The following LGALS1 variants were observed in gnomAD, a reference collection of about 807,000 sequenced individuals.
LGALS1 encodes the protein galectin 1, also known as galectin-1.
LGALS1 carries 14 observed loss-of-function variants against 14.4 expected under a neutral mutation model. The ratio of observed to expected loss-of-function variants is 0.97; its 90% CI spans 0.64 to 1.52. The LOEUF (loss-of-function observed/expected upper bound fraction) is 1.52, where lower values mean the gene tolerates loss of function less well. Among genes scored for constraint, LGALS1 ranks in the 40% most tolerant of loss-of-function variants. The probability of loss-of-function intolerance (pLI) is 0.00; values close to 1 mark genes in which losing one functional copy is unlikely to be tolerated. For missense variants in LGALS1, 170 were observed against 181.4 expected (o/e 0.94, Z 0.36); for synonymous variants, 71 against 73.4 (o/e 0.97, Z 0.17).
chr22:37,675,732 C>CT, intron 1 of LGALS1, 21 bp downstream of exon 1: 1 of 1,538,688 alleles, frequency 6.5e-7, no homozygotes, highest in Non-Finnish European at 8.8e-7. Flanking sequence ...GGACCCCCCC[C>CT]CAAGGTCCAG....
intron 3 of LGALS1, among the ~76,000 whole-genome samples, chr22:37,679,260 C>T (rs1472451702): frequency 1.3e-5 from 2 of 151,032 alleles, no homozygotes; most frequent in East Asian, 2.0e-4. Flanking sequence ...GGTGAAACCC[C>T]GTCTCTATAT....
Position 37,678,571 on chromosome 22 carries a change from G to C in LGALS1, c.178G>C (p.Val60Leu). Residue 60 changes from valine to leucine, a missense_variant, in exon 3 of 4, where the codon GTG becomes CTG. Coordinates refer to ENST00000215909, the MANE Select transcript of LGALS1 (RefSeq NM_002305.4). ...FNAHGDANTI[V>L]CNSKDGGAWG... ...CGCCCACGGCGACGCCAACACCATC[G>C]TGTGCAACAGCAAGGACGGCGGGGC... 1.2e-6 allele frequency: 2 copies of C among 1,613,608 alleles called. No individual in the cohort carries two copies. Among genetic ancestry groups the C allele is most frequent in the South Asian group, 1.1e-5 (1 of 91,090 alleles).
At chr22:37,675,804 C>T in intron 1 of LGALS1, 93 bp downstream of exon 1, 1 of 1,202,074 alleles carries the variant, frequency 8.3e-7, no homozygotes, top group Non-Finnish European at 1.1e-6. Context: ...GATTCTAGCC[C>T]CAGCTGTGTG....
At chr22:37,677,643 A>G (rs1921481636) in intron 2 of LGALS1, 1 of 156,402 alleles carries the variant, frequency 6.4e-6, no homozygotes, top group Non-Finnish European at 1.4e-5. Context: ...GAGGAGGATG[A>G]GGATCAGCTG....
chr22:37,675,770 G>A, intron 1 of LGALS1, 59 bp downstream of exon 1: 2 of 1,435,112 alleles, frequency 1.4e-6, no homozygotes, highest in Non-Finnish European at 9.3e-7. Context: ...GATGGCCAGA[G>A]GAGAGCTGGG....
At chr22:37,679,235 C>T (rs1158339463) in intron 3 of LGALS1, among the ~76,000 whole-genome samples, 1 of 151,624 alleles carries the variant, frequency 6.6e-6, no homozygotes, top group Non-Finnish European at 1.5e-5. Context: ...AGTTCGAGAC[C>T]AGCCTGACCA....
intron 2 of LGALS1, among the ~76,000 whole-genome samples, chr22:37,678,086 A>G (rs1478995829): frequency 6.6e-6 from 1 of 151,980 alleles, no homozygotes; most frequent in African/African-American, 2.4e-5. Context: ...CGTGCCCGGG[A>G]GTATTATTAT....
At position 37,678,282 on chromosome 22, in the gene LGALS1, G is replaced by A. The variant is rs1013924874; in HGVS notation, c.90-201G>A. 4 of 709,474 alleles carry A rather than the reference G, an allele frequency of 5.6e-6. No homozygotes were observed. In the African/African-American group the frequency reaches 7.0e-5, roughly 12 times the overall value. The allele number at this position is 709,474 out of a possible 1,614,324, so 43.9% of individuals were successfully genotyped here. A position where few individuals can be genotyped will look rare whatever the true frequency, so the allele number is the denominator to read the frequency against. On this transcript the variant is annotated intron_variant, in intron 2 of 3. Transcript: ENST00000215909. Reference sequence around the variant, plus strand: ...TCAAGAATCAAGCGAGCCCTCCTGTGCAGCCCCCATTGTACAGATGAGCAA... The same window carrying A: ...TCAAGAATCAAGCGAGCCCTCCTGTACAGCCCCCATTGTACAGATGAGCAA...
rs758562063 is a variant in LGALS1, at chr22:37,676,965, G to A, written c.10-21G>A. ...GAGGCCTTGTCCTCTAACCCGGCTG[G>A]GCCGGGGCTTGTCTGTGCAGGGTCT... On this transcript the variant is annotated intron_variant, in intron 1 of 3. Coordinates refer to ENST00000215909, the MANE Select transcript of LGALS1 (RefSeq NM_002305.4). The A allele has an allele frequency of 2.6e-5, 42 of 1,613,826 alleles. 2 individuals are homozygous for A. The South Asian group carries it at 3.4e-4, about 13-fold the overall frequency.
intron 3 of LGALS1, 28 bp downstream of exon 3, chr22:37,678,682 AG>A: frequency 3.7e-6 from 1 of 266,732 alleles, no homozygotes; most frequent in African/African-American, 3.6e-5. Context: ...ACCGGGGACC[AG>A]GGACAGGGGC....
At chr22:37,676,745 T>C in intron 1 of LGALS1, 1 of 585,324 alleles carries the variant, frequency 1.7e-6, no homozygotes, top group Non-Finnish European at 3.2e-6. Flanking sequence ...AGAGCCTGTC[T>C]TCTAGAACCT....
At chr22:37,679,516 T>C (rs935812617) in intron 3 of LGALS1, 87 bp from the exon 4 acceptor site, 2 of 1,221,132 alleles carry the variant, frequency 1.6e-6, no homozygotes, top group African/African-American at 3.1e-5. Flanking sequence ...AGCCACAAAC[T>C]GGGGCTGTGT....
At position 37,677,457 on chromosome 22, in the gene LGALS1, G is replaced by C. The variant is rs545757971; in HGVS notation, c.89+392G>C. 352 of 249,436 alleles carry C rather than the reference G, an allele frequency of 1.4e-3. 3 individuals carry two copies. The highest frequency in any genetic ancestry group is 7.5e-3 in the African/African-American group (333 of 44,138). 15.5% of individuals were successfully genotyped at this position (249,436 alleles called of 1,614,324 possible). A position where few individuals can be genotyped will look rare whatever the true frequency, so the allele number is the denominator to read the frequency against. ...CGTCTGGTCATTCATTCATTCACTG[G>C]CTCAGTCCGGTCCTTCTTCCTTCAC... On this transcript the variant is annotated intron_variant, in intron 2 of 3. Transcript: ENST00000215909.
chr22:37,677,404 C>A (rs1921472827), intron 2 of LGALS1: 1 of 320,762 alleles, frequency 3.1e-6, no homozygotes, highest in Non-Finnish European at 6.0e-6. Flanking sequence ...GCGTCACCGC[C>A]GCCTTCCCCC....
chr22:37,679,568 TGTGGGCCC>T (rs774663526), intron 3 of LGALS1, 27 bp from the exon 4 acceptor site: 1 of 1,541,600 alleles, frequency 6.5e-7, no homozygotes, highest in Non-Finnish European at 8.8e-7. Context: ...GCCCATGGCA[TGTGGGCCC>T]GGCTCACTGC....
At position 37,678,451 on chromosome 22, in the gene LGALS1, A is replaced by T. The variant is rs897229433; in HGVS notation, c.90-32A>T. On this transcript the variant is annotated intron_variant, in intron 2 of 3. Transcript: ENST00000215909. ...CGGTCAGTGGGGCTGGAGCTGGCCG[A>T]GGTGGCCTCATGCCCACCCGTTACC... 3.1e-6 allele frequency: 5 copies of T among 1,611,486 alleles called. No homozygotes were observed. In the Admixed American group the frequency reaches 6.7e-5, roughly 22 times the overall value.
intron 2 of LGALS1, among the ~76,000 whole-genome samples, chr22:37,677,938 C>A (rs1311006497): frequency 6.6e-6 from 1 of 152,044 alleles, no homozygotes; most frequent in Non-Finnish European, 1.5e-5. Flanking sequence ...GGGCCCACCA[C>A]AACGCCCAGC....
In LGALS1 at chr22:37,678,572, T is replaced by G; in HGVS notation, c.179T>G (p.Val60Gly). Residue 60 changes from valine to glycine, a missense_variant, in exon 3 of 4, where the codon GTG (valine) becomes GGG (glycine). Physicochemically the swap from Val to Gly is moderately radical, Grantham distance 109 (BLOSUM62 -3). Coordinates refer to ENST00000215909, the MANE Select transcript of LGALS1 (RefSeq NM_002305.4). ...FNAHGDANTI[V>G]CNSKDGGAWG... ...GCCCACGGCGACGCCAACACCATCG[T>G]GTGCAACAGCAAGGACGGCGGGGCC... 1 of 1,613,580 alleles carries G rather than the reference T, an allele frequency of 6.2e-7. No individual in the cohort carries two copies. The highest frequency in any genetic ancestry group is 8.5e-7 in the Non-Finnish European group (1 of 1,180,004).
chr22:37,676,552 G>C (rs1921433936), intron 1 of LGALS1, among the ~76,000 whole-genome samples: 1 of 152,042 alleles, frequency 6.6e-6, no homozygotes, highest in African/African-American at 2.4e-5. Flanking sequence ...GAGAATAGTG[G>C]GGTCGCCCGC....
Sources: allele counts gnomAD v4.1 joint callset (sites outside exome capture counted in the v4.1 genomes callset), GRCh38; gene constraint gnomAD v4.1.1; transcripts MANE v1.5; gene names NCBI Gene and HGNC (gene_info 2026-07-23, HGNC 2026-07-21).